GOLGA4: variants seen among roughly 807,000 people sequenced by gnomAD.
GOLGA4 encodes the protein golgin subfamily A member 4.
A neutral mutation model predicts 265.9 loss-of-function variants in GOLGA4; 169 were observed. The ratio of observed to expected loss-of-function variants is 0.64; its 90% CI spans 0.56 to 0.72. The LOEUF is 0.72. GOLGA4 is among the 30% of genes least tolerant of loss of function. The pLI is 0.00. For missense variants in GOLGA4, 2,482 were observed against 2,483.4 expected (o/e 1.00, Z 0.01); for synonymous variants, 923 against 855.8 (o/e 1.08, Z -1.37).
chr3:37,314,955 A>G (rs1421102098), intron 10 of GOLGA4, among the ~76,000 whole-genome samples: 2 of 152,216 alleles, frequency 1.3e-5, no homozygotes, highest in East Asian at 1.9e-4. Context: ...TAAAAATAAA[A>G]TATGCCTAAG....
intron 3 of GOLGA4, among the ~76,000 whole-genome samples, chr3:37,283,361 T>A (rs539945828): frequency 3.9e-5 from 6 of 152,284 alleles, no homozygotes; most frequent in South Asian, 2.1e-4. Context: ...TTCCTTTAAA[T>A]TTTTTTAACT....
At chr3:37,323,058 TAGAA>T (rs1036724196) in intron 13 of GOLGA4, among the ~76,000 whole-genome samples, 1 of 151,320 alleles carries the variant, frequency 6.6e-6, no homozygotes, top group Non-Finnish European at 1.5e-5. Flanking sequence ...CCCAAGTAAA[TAGAA>T]AGAATCTGAA....
intron 16 of GOLGA4, among the ~76,000 whole-genome samples, chr3:37,330,676 G>A (rs1022363206): frequency 1.3e-5 from 2 of 152,142 alleles, no homozygotes; most frequent in Non-Finnish European, 2.9e-5. Context: ...CAAGGGAGTG[G>A]CATGGACTCT....
At chr3:37,267,038 T>TCTCAA (rs2096785618) in intron 2 of GOLGA4, 1 of 430,012 alleles carries the variant, frequency 2.3e-6, no homozygotes, top group Admixed American at 3.0e-5. Flanking sequence ...ACTTACCATC[T>TCTCAA]CTCAAAGTAT....
chr3:37,363,265 T>C (rs1250884477), intron 23 of GOLGA4, among the ~76,000 whole-genome samples: 11 of 152,246 alleles, frequency 7.2e-5, no homozygotes, highest in Non-Finnish European at 5.9e-5. Context: ...AATGTGAACA[T>C]TGAAAAACTG....
chr3:37,271,363 A>G (rs1202440671), intron 2 of GOLGA4, among the ~76,000 whole-genome samples: 1 of 152,158 alleles, frequency 6.6e-6, no homozygotes, highest in Non-Finnish European at 1.5e-5. Flanking sequence ...TGTTCTCCCA[A>G]CCTTTCTTCC....
chr3:37,257,466 A>G (rs898364832), intron 2 of GOLGA4, among the ~76,000 whole-genome samples: 7 of 152,116 alleles, frequency 4.6e-5, no homozygotes, highest in South Asian at 2.1e-4. Context: ...CATTTGTAAA[A>G]TGAGAAATTT....
rs1345151824 is a variant in GOLGA4 at position 37,275,236 on chromosome 3, A to G, written c.163-6722A>G. Among the ~76,000 whole-genome samples, 1,088 of 150,010 alleles carry G rather than the reference A, an allele frequency of 7.3e-3. 15 individuals are homozygous for G. The highest frequency in any genetic ancestry group is 0.022 in the African/African-American group (875 of 40,640). ...GTCTCAAAAAAAAAAAAAAAAAAAA[A>G]AAAAAGAAAAAAAAAACCCCAAAAA... On this transcript the variant is annotated intron_variant, in intron 2 of 23. Transcript: ENST00000361924.
At chr3:37,280,060 G>A (rs961212830) in intron 2 of GOLGA4, among the ~76,000 whole-genome samples, 7 of 152,030 alleles carry the variant, frequency 4.6e-5, no homozygotes, top group Non-Finnish European at 1.0e-4. Context: ...ACACAGCATC[G>A]TAGATAGAGA....
intron 2 of GOLGA4, 72 bp from the exon 3 acceptor site, chr3:37,281,886 G>T: frequency 1.0e-6 from 1 of 979,016 alleles, no homozygotes; most frequent in Non-Finnish European, 1.6e-6. Flanking sequence ...TTAGATTATT[G>T]CTGGTGATGG....
At chr3:37,286,448 C>T (rs192539103) in intron 4 of GOLGA4, among the ~76,000 whole-genome samples, 93 of 152,184 alleles carry the variant, frequency 6.1e-4, no homozygotes, top group Admixed American at 9.8e-4. Flanking sequence ...CCACCGCGCC[C>T]GGCCTATAGT....
intron 2 of GOLGA4, among the ~76,000 whole-genome samples, chr3:37,270,001 C>G (rs1430046730): frequency 7.1e-6 from 1 of 141,348 alleles, no homozygotes; most frequent in Non-Finnish European, 1.5e-5. Flanking sequence ...ACCAGTGATT[C>G]TCCTGCCTCA....
At chr3:37,288,939 C>G (rs748535516) in intron 4 of GOLGA4, among the ~76,000 whole-genome samples, 1 of 152,122 alleles carries the variant, frequency 6.6e-6, no homozygotes, top group Admixed American at 6.6e-5. Context: ...TTAAATTGAA[C>G]AGACAGTAAA....
At chr3:37,363,381 A>G (rs1010100242) in intron 23 of GOLGA4, among the ~76,000 whole-genome samples, 5 of 152,202 alleles carry the variant, frequency 3.3e-5, no homozygotes, top group African/African-American at 1.2e-4. Context: ...CTGGAAATGT[A>G]TATTGTGCAG....
Position 37,344,527 on chromosome 3 carries a change from C to T in GOLGA4, c.6473-2666C>T, listed in dbSNP as rs375445911. On this transcript the variant is annotated intron_variant, in intron 20 of 23. Transcript: ENST00000361924. ...TTTTTTTTTTTGGTAGAGATGAGGTCTTTCTATGTTGCCCAGTCTAGTCTT... is the reference window on the plus strand; with the variant it reads ...TTTTTTTTTTTGGTAGAGATGAGGTTTTTCTATGTTGCCCAGTCTAGTCTT... 7.1e-4 allele frequency among the ~76,000 whole-genome samples: 82 copies of T among 115,894 alleles called. 1 individual carries two copies. The highest frequency in any genetic ancestry group is 2.4e-3 in the African/African-American group (71 of 30,116). 76.0% of individuals were successfully genotyped at this position (115,894 alleles called of 152,430 possible). A position where few individuals can be genotyped will look rare whatever the true frequency, so the allele number is the denominator to read the frequency against.
intron 9 of GOLGA4, among the ~76,000 whole-genome samples, chr3:37,301,651 T>G (rs953921378): frequency 6.6e-6 from 1 of 152,222 alleles, no homozygotes; most frequent in Non-Finnish European, 1.5e-5. Flanking sequence ...ATTAAAATTT[T>G]TAATGTAAAA....
chr3:37,323,252 G>A (rs1020264426), intron 13 of GOLGA4, among the ~76,000 whole-genome samples: 4 of 149,892 alleles, frequency 2.7e-5, no homozygotes, highest in East Asian at 2.0e-4. Flanking sequence ...TCAGCCTCCC[G>A]AGTAGCTGGG....
intron 22 of GOLGA4, among the ~76,000 whole-genome samples, chr3:37,357,610 C>CT (rs1341020093): frequency 6.6e-6 from 1 of 152,094 alleles, no homozygotes; most frequent in Admixed American, 6.6e-5. Flanking sequence ...ATTCTTGATA[C>CT]TTGATAATGT....
intron 2 of GOLGA4, among the ~76,000 whole-genome samples, chr3:37,267,769 A>G (rs558329895): frequency 6.6e-6 from 1 of 152,360 alleles, no homozygotes; most frequent in Admixed American, 6.5e-5. Flanking sequence ...AGGTTTTTCT[A>G]AACAATAAGA....
Sources: gnomAD v4.1 joint callset for allele counts (sites outside exome capture counted in the v4.1 genomes callset) on GRCh38, gnomAD v4.1.1 for gene constraint, MANE v1.5 for transcripts, NCBI Gene and HGNC (gene_info 2026-07-23, HGNC 2026-07-21) for gene names.